The following CTNNA3 variants were observed in gnomAD, a reference collection of about 807,000 sequenced individuals.
CTNNA3 encodes catenin alpha 3.
CTNNA3 carries 76 observed loss-of-function variants against 95.7 expected under a neutral mutation model. The observed-to-expected ratio is 0.79, with a 90% CI of 0.66 to 0.96. The LOEUF is 0.96. Among genes scored for constraint, CTNNA3 ranks in the 40% least tolerant of loss-of-function variants. CTNNA3 has a pLI of 0.00. For missense variants in CTNNA3, 1,191 were observed against 1,089.8 expected, an observed-to-expected ratio of 1.09 and a Z score of -1.31; for synonymous variants, 431 against 374.4, an observed-to-expected ratio of 1.15 and a Z score of -1.74.
chr10:67,443,032 G>C (rs1285025738), intron 5 of CTNNA3, among the ~76,000 whole-genome samples: 1 of 145,828 alleles, frequency 6.9e-6, no homozygotes, highest in Non-Finnish European at 1.5e-5. Flanking sequence ...ATCTATGAGT[G>C]AGAACATGCG....
intron 14 of CTNNA3, among the ~76,000 whole-genome samples, chr10:66,074,583 T>C (rs1254014881): frequency 6.6e-6 from 1 of 151,914 alleles, no homozygotes; most frequent in Non-Finnish European, 1.5e-5. Context: ...AATTTAATCA[T>C]ATTTCCAGGC....
intron 5 of CTNNA3, among the ~76,000 whole-genome samples, chr10:67,280,136 CTT>C: frequency 6.6e-6 from 1 of 150,418 alleles, no homozygotes; most frequent in Non-Finnish European, 1.5e-5. Context: ...GAACCAAGGA[CTT>C]TTTGATCTCC....
chr10:66,842,751 G>A (rs1410535664), intron 7 of CTNNA3, among the ~76,000 whole-genome samples: 2 of 152,148 alleles, frequency 1.3e-5, no homozygotes, highest in Non-Finnish European at 2.9e-5. Context: ...AGAAATTTGG[G>A]AAATTGTTAT....
intron 13 of CTNNA3, among the ~76,000 whole-genome samples, chr10:66,121,142 A>G (rs1390704817): frequency 1.3e-5 from 2 of 152,174 alleles, no homozygotes; most frequent in Admixed American, 6.5e-5. Flanking sequence ...AGTGATCAGA[A>G]CCCTGAGTTA....
intron 6 of CTNNA3, among the ~76,000 whole-genome samples, chr10:67,204,743 G>A (rs1189375939): frequency 6.6e-6 from 1 of 152,124 alleles, no homozygotes; most frequent in African/African-American, 2.4e-5. Flanking sequence ...GATTTTAATA[G>A]ACACAAGGTC....
At chr10:67,312,149 T>C (rs1840836738) in intron 5 of CTNNA3, among the ~76,000 whole-genome samples, 1 of 151,472 alleles carries the variant, frequency 6.6e-6, no homozygotes, top group South Asian at 2.1e-4. Context: ...CTCGGCTCAC[T>C]GCAGCCTCTG....
chr10:66,355,420 C>A (rs2092601177), intron 12 of CTNNA3, among the ~76,000 whole-genome samples: 1 of 152,064 alleles, frequency 6.6e-6, no homozygotes, highest in South Asian at 2.1e-4. Context: ...CCTAGCAGTA[C>A]CTTCGATACA....
At chr10:67,750,395 G>A (rs1334703661) in intron 1 of CTNNA3, 1 of 1,488,588 alleles carries the variant, frequency 6.7e-7, no homozygotes, top group Non-Finnish European at 9.4e-7. Context: ...GGCCATTGAT[G>A]CAGGATATCG....
At chr10:66,423,610 C>T (rs2093214863) in intron 11 of CTNNA3, among the ~76,000 whole-genome samples, 1 of 152,164 alleles carries the variant, frequency 6.6e-6, no homozygotes, top group Non-Finnish European at 1.5e-5. Flanking sequence ...GTAACCTCCT[C>T]TCTGCCCAGA....
intron 7 of CTNNA3, among the ~76,000 whole-genome samples, chr10:66,913,950 C>A (rs1390939590): frequency 6.6e-6 from 1 of 152,146 alleles, no homozygotes; most frequent in East Asian, 1.9e-4. Context: ...AGCACCCTTT[C>A]CCTGCCTTGC....
intron 17 of CTNNA3, among the ~76,000 whole-genome samples, chr10:65,959,392 C>A (rs912935245): frequency 6.6e-6 from 1 of 152,160 alleles, no homozygotes; most frequent in African/African-American, 2.4e-5. Flanking sequence ...TGGGCTGTAC[C>A]CACTGTCCAA....
intron 13 of CTNNA3, among the ~76,000 whole-genome samples, chr10:66,110,289 G>A (rs1435044616): frequency 6.6e-6 from 1 of 151,452 alleles, no homozygotes; most frequent in East Asian, 1.9e-4. Flanking sequence ...TTGAACCTGG[G>A]AGGTGGAGGT....
At chr10:67,749,127 T>C (rs759531751) in intron 1 of CTNNA3, among the ~76,000 whole-genome samples, 1 of 152,144 alleles carries the variant, frequency 6.6e-6, no homozygotes, top group Non-Finnish European at 1.5e-5. Flanking sequence ...ATGCACCCTA[T>C]TTATGCATAT....
At chr10:66,865,687 TC>T (rs1463910915) in intron 7 of CTNNA3, among the ~76,000 whole-genome samples, 2 of 152,252 alleles carry the variant, frequency 1.3e-5, no homozygotes, top group African/African-American at 4.8e-5. Flanking sequence ...ATTTCCTTTT[TC>T]ATTTTCAGCT....
At chr10:67,121,709 A>T (rs1389906936) in intron 7 of CTNNA3, among the ~76,000 whole-genome samples, 1 of 151,920 alleles carries the variant, frequency 6.6e-6, no homozygotes, top group Non-Finnish European at 1.5e-5. Context: ...ATGAAAAAAT[A>T]AACAGGCAAG....
At chr10:67,177,920 G>C (rs7914873) in intron 7 of CTNNA3, among the ~76,000 whole-genome samples, 58,651 of 152,028 alleles carry the variant, frequency 0.39, 15,999 homozygotes, top group African/African-American at 0.78. Flanking sequence ...ATACACAGGG[G>C]CAGCTTCAGG....
At chr10:66,751,614 C>T (rs930577216) in intron 9 of CTNNA3, among the ~76,000 whole-genome samples, 4 of 152,182 alleles carry the variant, frequency 2.6e-5, no homozygotes, top group Non-Finnish European at 5.9e-5. Flanking sequence ...CTCAGATTCA[C>T]ATGGTATTGA....
chr10:67,118,774 G>A (rs989862002), intron 7 of CTNNA3, among the ~76,000 whole-genome samples: 1 of 151,682 alleles, frequency 6.6e-6, no homozygotes, highest in East Asian at 1.9e-4. Flanking sequence ...CATGAACTAA[G>A]CATTTCTCAA....
At chr10:66,543,307 G>T (rs1338998625) in intron 10 of CTNNA3, among the ~76,000 whole-genome samples, 1 of 151,970 alleles carries the variant, frequency 6.6e-6, no homozygotes, top group African/African-American at 2.4e-5. Context: ...GGCCAGGCTG[G>T]TCTCAAACTC....
Sources: gnomAD v4.1 joint callset for allele counts (sites outside exome capture counted in the v4.1 genomes callset) on GRCh38, gnomAD v4.1.1 for gene constraint, MANE v1.5 for transcripts, NCBI Gene and HGNC (gene_info 2026-07-23, HGNC 2026-07-21) for gene names.